The following TRDMT1 variants were observed in gnomAD, a reference collection of about 807,000 sequenced individuals.
The protein encoded by TRDMT1 is tRNA aspartic acid methyltransferase 1.
In TRDMT1, 49 loss-of-function variants were observed where a neutral mutation model predicts 51.2. That is an observed-to-expected ratio of 0.96 (90% confidence interval 0.76 to 1.21). TRDMT1 has a LOEUF of 1.21. TRDMT1 is among the 50% of genes most tolerant of loss of function. The pLI is 0.00. For missense variants in TRDMT1, 534 were observed against 462.3 expected (o/e 1.16, Z -1.42); for synonymous variants, 187 against 164.6 (o/e 1.14, Z -1.04).
Position 17,144,105 on chromosome 10 carries a change from A to G in TRDMT1, c.*4935T>C. ...AATGGCATGAAAAGTGAAGGGTAGA[A>G]AGAGACCTGAGGACGGAACCTTCAG... is the stretch of plus-strand genomic sequence containing the variant. On this transcript the variant is annotated 3_prime_UTR_variant, in exon 11 of 11. Transcript: ENST00000377799. The G allele has an allele frequency of 1.0e-6, 1 of 985,396 alleles. No homozygotes were observed. The highest frequency in any genetic ancestry group is 1.2e-6 in the Non-Finnish European group (1 of 829,920). 61.0% of individuals were successfully genotyped at this position (985,396 alleles called of 1,614,324 possible).
rs764686915 is a variant in TRDMT1 at position 17,157,427 on chromosome 10, T to C, written c.887+14A>G. ...TTATTTTGGATACAGGATCAATAGA[T>C]CTTTAAAACCTACCCTTTGGTAAAG... On this transcript the variant is annotated intron_variant, in intron 8 of 10. Coordinates refer to ENST00000377799, the MANE Select transcript of TRDMT1 (RefSeq NM_004412.7). The C allele has an allele frequency of 1.3e-6, 2 of 1,573,980 alleles. No individual in the cohort carries two copies. Among genetic ancestry groups the C allele is most frequent in the Non-Finnish European group, 1.7e-6 (2 of 1,157,630 alleles).
intron 3 of TRDMT1, among the ~76,000 whole-genome samples, chr10:17,168,145 A>G (rs1455643752): frequency 6.6e-6 from 1 of 152,010 alleles, no homozygotes; most frequent in Non-Finnish European, 1.5e-5. Context: ...TCTACCAAAA[A>G]TTTAAAAATT....
In TRDMT1 at chr10:17,144,777, C is replaced by T. The variant is rs940983447; in HGVS notation, c.*4263G>A. The T allele has an allele frequency of 2.7e-5, 27 of 984,446 alleles. No homozygotes were observed. The highest frequency in any genetic ancestry group is 3.3e-5 in the Non-Finnish European group (27 of 829,816). 61.0% of individuals were successfully genotyped at this position (984,446 alleles called of 1,614,324 possible). On this transcript the variant is annotated 3_prime_UTR_variant, in exon 11 of 11. Coordinates refer to ENST00000377799, the MANE Select transcript of TRDMT1 (RefSeq NM_004412.7). ...TTCCTAGACAGCCTAAAGAGAGAAA[C>T]GGAAGCTAGAAACAACAACAACAAA...
In TRDMT1 at chr10:17,140,483, C is replaced by T. The variant is rs186148785; in HGVS notation, c.*8557G>A. 1.3e-5 allele frequency among the ~76,000 whole-genome samples: 2 copies of T among 151,988 alleles called. No individual in the cohort carries two copies. The highest frequency in any genetic ancestry group is 2.9e-5 in the Non-Finnish European group (2 of 67,990). On this transcript the variant is annotated 3_prime_UTR_variant, in exon 11 of 11. Transcript: ENST00000377799. ...AATTGGACAATTATTTATTAGGTACCCACTATCTGTCAGCATCTGAGAAAG... is the reference window on the plus strand; with the variant it reads ...AATTGGACAATTATTTATTAGGTACTCACTATCTGTCAGCATCTGAGAAAG...
rs527833896 is a variant in TRDMT1 at position 17,140,355 on chromosome 10, T to C, written c.*8685A>G. On this transcript the variant is annotated 3_prime_UTR_variant, in exon 11 of 11. Transcript: ENST00000377799. ...AGGTGTGAGGCACCATGCCCAGCAC[T>C]TCTTTTCTTTTTGGCTGACAGAATT... 5.3e-5 allele frequency among the ~76,000 whole-genome samples: 8 copies of C among 152,016 alleles called. No homozygotes were observed. The highest frequency in any genetic ancestry group is 1.9e-4 in the African/African-American group (8 of 41,442).
intron 10 of TRDMT1, among the ~76,000 whole-genome samples, chr10:17,152,515 T>C (rs1353530183): frequency 6.6e-6 from 1 of 152,252 alleles, no homozygotes; most frequent in African/African-American, 2.4e-5. Flanking sequence ...AGTATTGGAC[T>C]TAACAAAGTT....
intron 3 of TRDMT1, among the ~76,000 whole-genome samples, chr10:17,166,780 G>A (rs1014468612): frequency 6.6e-6 from 1 of 152,194 alleles, no homozygotes; most frequent in Admixed American, 6.5e-5. Context: ...CAAGGGGGAG[G>A]TGGGAGTAGG....
At chr10:17,160,496 G>T (rs1268400022) in intron 5 of TRDMT1, 122 bp from the exon 6 acceptor site, 2 of 569,584 alleles carry the variant, frequency 3.5e-6, no homozygotes, top group Non-Finnish European at 5.7e-6. Flanking sequence ...TTTTGAGACA[G>T]AGTCTCACTC....
chr10:17,172,215 A>C (rs1842124130), intron 2 of TRDMT1, among the ~76,000 whole-genome samples: 1 of 152,236 alleles, frequency 6.6e-6, no homozygotes, highest in Non-Finnish European at 1.5e-5. Context: ...TTAAATGTAG[A>C]CAAAGAAAGA....
chr10:17,144,723 A>AT lies in TRDMT1; in HGVS notation c.*4316dup. Reference sequence around the variant, plus strand: ...GGAGTTTGGATCTTGATTGTGTAAGATTTTGAAGAGCATGAGTACCTTAAA... The same window carrying AT: ...GGAGTTTGGATCTTGATTGTGTAAGATTTTTGAAGAGCATGAGTACCTTAAA... On this transcript the variant is annotated 3_prime_UTR_variant, in exon 11 of 11. Coordinates refer to ENST00000377799, the MANE Select transcript of TRDMT1 (RefSeq NM_004412.7). The AT allele has an allele frequency of 1.0e-6, 1 of 985,416 alleles. No homozygotes were observed. Among genetic ancestry groups the AT allele is most frequent in the Non-Finnish European group, 1.2e-6 (1 of 829,924 alleles). The allele number at this position is 985,416 out of a possible 1,614,324, so 61.0% of individuals were successfully genotyped here.
Position 17,146,958 on chromosome 10 carries a change from T to C in TRDMT1, c.*2082A>G. On this transcript the variant is annotated 3_prime_UTR_variant, in exon 11 of 11. Coordinates refer to ENST00000377799, the MANE Select transcript of TRDMT1 (RefSeq NM_004412.7). ...TTAAGGGCAAGAATCACCGTCTTCC[T>C]GTGAATACATTCCCATAATTTAAGA... 15 of 985,480 alleles carry C rather than the reference T, an allele frequency of 1.5e-5. No individual in the cohort carries two copies. The highest frequency in any genetic ancestry group is 1.7e-5 in the Non-Finnish European group (14 of 829,930). 61.0% of individuals were successfully genotyped at this position (985,480 alleles called of 1,614,324 possible).
chr10:17,170,334 AGTCATG>A (rs2131492740), intron 2 of TRDMT1, among the ~76,000 whole-genome samples: 2 of 152,360 alleles, frequency 1.3e-5, no homozygotes, highest in East Asian at 3.9e-4. Flanking sequence ...TAAATAAAGT[AGTCATG>A]GAAATACACA....
chr10:17,140,576 G>T lies in TRDMT1; in HGVS notation c.*8464C>A, dbSNP rs1195920393. Among the ~76,000 whole-genome samples the T allele has an allele frequency of 7.9e-5, 12 of 151,942 alleles. No homozygotes were observed. The highest frequency in any genetic ancestry group is 2.9e-4 in the African/African-American group (12 of 41,366). ...GGAGGAAAAAAGTCAGCAGGGGAGGGGATTATATTACATAGCATCAAGATG... is the reference window on the plus strand; with the variant it reads ...GGAGGAAAAAAGTCAGCAGGGGAGGTGATTATATTACATAGCATCAAGATG... On this transcript the variant is annotated 3_prime_UTR_variant, in exon 11 of 11. Transcript: ENST00000377799.
In TRDMT1 at chr10:17,148,047, C is replaced by A; in HGVS notation, c.*993G>T. ...ACTTGTTTCTTTTCATCTCTCTTCT[C>A]TTTGTCACTTGCTTTTATCACAAAC... On this transcript the variant is annotated 3_prime_UTR_variant, in exon 11 of 11. Coordinates refer to ENST00000377799, the MANE Select transcript of TRDMT1 (RefSeq NM_004412.7). 4 of 985,266 alleles carry A rather than the reference C, an allele frequency of 4.1e-6. No homozygotes were observed. Among genetic ancestry groups the A allele is most frequent in the African/African-American group, 3.5e-5 (2 of 57,364 alleles). The allele number at this position is 985,266 out of a possible 1,614,324, so 61.0% of individuals were successfully genotyped here.
At position 17,148,500 on chromosome 10, in the gene TRDMT1, A is replaced by C; in HGVS notation, c.*540T>G. ...CAAACATTTAGGATTATTTTTCCTGACATATTCTTCAGTCTGCTGTATAAA... is the reference window on the plus strand; with the variant it reads ...CAAACATTTAGGATTATTTTTCCTGCCATATTCTTCAGTCTGCTGTATAAA... On this transcript the variant is annotated 3_prime_UTR_variant, in exon 11 of 11. Transcript: ENST00000377799. 1 of 985,440 alleles carries C rather than the reference A, an allele frequency of 1.0e-6. No homozygotes were observed. 61.0% of individuals were successfully genotyped at this position (985,440 alleles called of 1,614,324 possible).
intron 1 of TRDMT1, among the ~76,000 whole-genome samples, chr10:17,199,568 A>C (rs925826433): frequency 2.6e-5 from 4 of 152,338 alleles, no homozygotes; most frequent in African/African-American, 9.6e-5. Context: ...TTGACGGTGA[A>C]GCGGGATGCT....
At position 17,143,515 on chromosome 10, in the gene TRDMT1, G is replaced by T; in HGVS notation, c.*5525C>A. Reference sequence around the variant, plus strand: ...TTTTTTTCACATGTGAAATTTAACTGGACTTGTGTAAGGAACCAGCTAAGT... The same window carrying T: ...TTTTTTTCACATGTGAAATTTAACTTGACTTGTGTAAGGAACCAGCTAAGT... On this transcript the variant is annotated 3_prime_UTR_variant, in exon 11 of 11. Transcript: ENST00000377799. 1.0e-6 allele frequency: 1 copy of T among 985,312 alleles called. No homozygotes were observed. Among genetic ancestry groups the T allele is most frequent in the Non-Finnish European group, 1.2e-6 (1 of 829,922 alleles). 61.0% of individuals were successfully genotyped at this position (985,312 alleles called of 1,614,324 possible).
intron 1 of TRDMT1, among the ~76,000 whole-genome samples, chr10:17,178,120 T>C (rs1477497431): frequency 6.6e-6 from 1 of 152,214 alleles, no homozygotes; most frequent in African/African-American, 2.4e-5. Context: ...TATTTTCTAA[T>C]CTATATCTCA....
chr10:17,153,199 C>G, intron 10 of TRDMT1: 1 of 431,200 alleles, frequency 2.3e-6, no homozygotes, highest in African/African-American at 2.0e-5. Flanking sequence ...AGAAAATAAG[C>G]TGGAAAGGGG....
Sources: gnomAD v4.1 joint callset for allele counts (sites outside exome capture counted in the v4.1 genomes callset) on GRCh38, gnomAD v4.1.1 for gene constraint, MANE v1.5 for transcripts, NCBI Gene and HGNC (gene_info 2026-07-23, HGNC 2026-07-21) for gene names.